The following SGCZ variants were observed in gnomAD, a reference collection of about 807,000 sequenced individuals.
The protein encoded by SGCZ is zeta-sarcoglycan.
In SGCZ, 40 loss-of-function variants were observed where a neutral mutation model predicts 41.3. The observed-to-expected ratio is 0.97, with a 90% confidence interval of 0.75 to 1.26. The LOEUF (loss-of-function observed/expected upper bound fraction) is 1.26, where lower values mean the gene tolerates loss of function less well. SGCZ is among the 50% of genes most tolerant of loss of function. The pLI is 0.00. For synonymous variants in SGCZ, 206 were observed against 137.5 expected, an observed-to-expected ratio of 1.50 and a Z score of -3.49; for missense variants, 552 against 369.8, an observed-to-expected ratio of 1.49 and a Z score of -4.04.
intron 2 of SGCZ, among the ~76,000 whole-genome samples, chr8:14,404,130 T>A (rs917329857): frequency 1.3e-5 from 2 of 152,162 alleles, no homozygotes; most frequent in Admixed American, 6.6e-5. Flanking sequence ...AGATGCATTA[T>A]CTTCAGCTCC....
At chr8:15,211,072 TATAG>T (rs1801222077) in intron 1 of SGCZ, among the ~76,000 whole-genome samples, 3 of 150,154 alleles carry the variant, frequency 2.0e-5, no homozygotes, top group South Asian at 4.2e-4. Flanking sequence ...TACATAGATA[TATAG>T]ATAGATATAG....
At chr8:14,413,295 C>T (rs1011630242) in intron 2 of SGCZ, among the ~76,000 whole-genome samples, 1 of 151,968 alleles carries the variant, frequency 6.6e-6, no homozygotes, top group Non-Finnish European at 1.5e-5. Flanking sequence ...AAGTTCAGAA[C>T]ACACGTTGTG....
At chr8:14,798,274 TC>T (rs1477445528) in intron 1 of SGCZ, among the ~76,000 whole-genome samples, 2 of 152,284 alleles carry the variant, frequency 1.3e-5, no homozygotes, top group East Asian at 3.9e-4. Context: ...AGTATACAAG[TC>T]CTTTTTCTAA....
At chr8:14,528,878 A>G (rs1279752776) in intron 2 of SGCZ, among the ~76,000 whole-genome samples, 1 of 151,652 alleles carries the variant, frequency 6.6e-6, no homozygotes, top group Non-Finnish European at 1.5e-5. Context: ...AAAATCTTCA[A>G]ATTTATAAAA....
At chr8:15,227,635 G>C (rs1801821019) in intron 1 of SGCZ, among the ~76,000 whole-genome samples, 1 of 152,124 alleles carries the variant, frequency 6.6e-6, no homozygotes, top group Non-Finnish European at 1.5e-5. Context: ...AATTGTAGTT[G>C]ATGTGTTTTC....
chr8:15,070,678 C>G (rs985207766), intron 1 of SGCZ, among the ~76,000 whole-genome samples: 4 of 152,138 alleles, frequency 2.6e-5, no homozygotes, highest in African/African-American at 9.6e-5. Flanking sequence ...AAGAGCAATT[C>G]AAGGCTCAGT....
intron 1 of SGCZ, among the ~76,000 whole-genome samples, chr8:15,194,402 G>A (rs1300447750): frequency 1.3e-5 from 2 of 152,108 alleles, no homozygotes; most frequent in African/African-American, 4.8e-5. Flanking sequence ...TGTGTGGTAG[G>A]TACAATAATA....
rs554807765 is a variant in SGCZ, at chr8:15,010,220, C to T, written c.39+227365G>A. Among the ~76,000 whole-genome samples the T allele has an allele frequency of 5.9e-5, 9 of 152,220 alleles. No homozygotes were observed. The South Asian group carries it at 1.2e-3, about 21-fold the overall frequency. On this transcript the variant is annotated intron_variant, in intron 1 of 7. Transcript: ENST00000382080. ...TTTTACATATAAAAATAGAAGAATG[C>T]TTTCAATGCAAATAATTTCTTAATT...
intron 4 of SGCZ, among the ~76,000 whole-genome samples, chr8:14,204,432 T>G (rs1283123576): frequency 6.6e-6 from 1 of 152,302 alleles, no homozygotes; most frequent in Non-Finnish European, 1.5e-5. Flanking sequence ...TGGGTGAATG[T>G]GAGTCCTTCC....
At chr8:14,364,439 T>G (rs1452598969) in intron 2 of SGCZ, among the ~76,000 whole-genome samples, 1 of 152,160 alleles carries the variant, frequency 6.6e-6, no homozygotes, top group Non-Finnish European at 1.5e-5. Flanking sequence ...CTGCCTGATC[T>G]GCAAGACAGC....
intron 1 of SGCZ, among the ~76,000 whole-genome samples, chr8:14,881,714 C>G (rs1285799250): frequency 2.6e-5 from 4 of 152,190 alleles, no homozygotes; most frequent in Admixed American, 1.3e-4. Flanking sequence ...CTGAACTCAG[C>G]TCCAGATCAA....
At chr8:15,153,301 A>G (rs1799234589) in intron 1 of SGCZ, among the ~76,000 whole-genome samples, 1 of 152,334 alleles carries the variant, frequency 6.6e-6, no homozygotes, top group Non-Finnish European at 1.5e-5. Context: ...TGTCTAATGC[A>G]TGATATGCCT....
intron 1 of SGCZ, among the ~76,000 whole-genome samples, chr8:15,220,495 A>G (rs1395960836): frequency 3.3e-5 from 5 of 152,100 alleles, no homozygotes; most frequent in Non-Finnish European, 7.3e-5. Flanking sequence ...TTAAAATCAG[A>G]GATAAGAGGA....
intron 1 of SGCZ, among the ~76,000 whole-genome samples, chr8:14,888,542 A>T (rs1804895525): frequency 6.6e-6 from 1 of 152,210 alleles, no homozygotes; most frequent in African/African-American, 2.4e-5. Flanking sequence ...AGCAAGAAAC[A>T]ATGTAAGTCC....
At chr8:15,040,971 C>T (rs1288375444) in intron 1 of SGCZ, among the ~76,000 whole-genome samples, 2 of 151,714 alleles carry the variant, frequency 1.3e-5, no homozygotes, top group Admixed American at 1.3e-4. Flanking sequence ...TCTACAGAAT[C>T]GAACTAAATG....
chr8:14,666,990 G>A (rs149359109), intron 1 of SGCZ, among the ~76,000 whole-genome samples: 393 of 151,866 alleles, frequency 2.6e-3, no homozygotes, highest in Non-Finnish European at 4.6e-3. Flanking sequence ...ACTAAGAATC[G>A]CTAATGAGCA....
At chr8:14,747,691 A>ATTATTG (rs571553565) in intron 1 of SGCZ, among the ~76,000 whole-genome samples, 10 of 131,720 alleles carry the variant, frequency 7.6e-5, no homozygotes, top group African/African-American at 2.4e-4. Context: ...TATTATTATT[A>ATTATTG]TGTGTGTGTG....
chr8:14,276,553 A>T (rs1800240453), intron 3 of SGCZ, among the ~76,000 whole-genome samples: 1 of 151,870 alleles, frequency 6.6e-6, no homozygotes, highest in South Asian at 2.1e-4. Context: ...TTATCACTGG[A>T]CTCTGCTCTC....
intron 2 of SGCZ, among the ~76,000 whole-genome samples, chr8:14,550,673 G>A (rs916313376): frequency 2.0e-5 from 3 of 151,804 alleles, no homozygotes; most frequent in African/African-American, 7.3e-5. Context: ...CTGTGCTTAT[G>A]AGGTCTTAAC....
Sources: allele counts gnomAD v4.1 joint callset (sites outside exome capture counted in the v4.1 genomes callset), GRCh38; gene constraint gnomAD v4.1.1; transcripts MANE v1.5; gene names NCBI Gene and HGNC (gene_info 2026-07-23, HGNC 2026-07-21).